Variants in DLGAP1 observed in about 807,000 individuals in gnomAD.
DLGAP1 encodes disks large-associated protein 1.
DLGAP1 carries 11 observed loss-of-function variants against 90.8 expected under a neutral mutation model. The ratio of observed to expected loss-of-function variants is 0.12; its 90% CI spans 0.08 to 0.20. The LOEUF (loss-of-function observed/expected upper bound fraction) is 0.20, where lower values mean the gene tolerates loss of function less well. Among genes scored for constraint, DLGAP1 ranks in the 10% least tolerant of loss-of-function variants. The probability of loss-of-function intolerance (pLI) is 1.00; values close to 1 mark genes in which losing one functional copy is unlikely to be tolerated. For missense variants in DLGAP1, 1,050 were observed against 1,333.8 expected (o/e 0.79, Z 3.31); for synonymous variants, 558 against 540.7 (o/e 1.03, Z -0.44).
intron 9 of DLGAP1, among the ~76,000 whole-genome samples, chr18:3,561,709 G>A (rs766877803): frequency 2.7e-5 from 4 of 150,840 alleles, no homozygotes; most frequent in Non-Finnish European, 5.9e-5. Flanking sequence ...TGGTTTCCGA[G>A]AAGTTGGATA....
chr18:4,095,514 C>G (rs1196193333), intron 2 of DLGAP1, among the ~76,000 whole-genome samples: 2 of 152,058 alleles, frequency 1.3e-5, no homozygotes, highest in African/African-American at 4.8e-5. Flanking sequence ...TCTTTTCTTG[C>G]TAACAGGTTA....
chr18:4,163,534 G>C (rs1213424554), intron 1 of DLGAP1, among the ~76,000 whole-genome samples: 2 of 152,176 alleles, frequency 1.3e-5, no homozygotes, highest in Non-Finnish European at 2.9e-5. Flanking sequence ...TTCCCACATG[G>C]TTCACAATGG....
chr18:4,231,896 A>T (rs73376909), intron 1 of DLGAP1, among the ~76,000 whole-genome samples: 10,366 of 152,216 alleles, frequency 0.068, 513 homozygotes, highest in African/African-American at 0.13. Context: ...ATTGACACTA[A>T]GAATGAAATT....
At chr18:3,583,179 TAC>T (rs2055652204) in intron 7 of DLGAP1, among the ~76,000 whole-genome samples, 8 of 143,330 alleles carry the variant, frequency 5.6e-5, no homozygotes, top group East Asian at 2.2e-4. Context: ...CCTACCTACC[TAC>T]CTACCTTCCT....
At chr18:3,717,191 T>C (rs1406086557) in intron 7 of DLGAP1, among the ~76,000 whole-genome samples, 1 of 152,046 alleles carries the variant, frequency 6.6e-6, no homozygotes, top group East Asian at 1.9e-4. Flanking sequence ...TTGATGCAAA[T>C]CCTCTATAGA....
chr18:4,406,179 C>T (rs764372862), intron 1 of DLGAP1, among the ~76,000 whole-genome samples: 4 of 152,176 alleles, frequency 2.6e-5, no homozygotes, highest in Non-Finnish European at 4.4e-5. Context: ...AGTTATTGCC[C>T]TATGCAGATG....
At chr18:3,751,513 G>A (rs568662753) in intron 5 of DLGAP1, among the ~76,000 whole-genome samples, 12 of 150,796 alleles carry the variant, frequency 8.0e-5, no homozygotes, top group Admixed American at 4.6e-4. Flanking sequence ...GCCCTGGCTG[G>A]TCTTGAACTC....
chr18:3,666,487 A>T (rs938596306), intron 7 of DLGAP1, among the ~76,000 whole-genome samples: 1 of 152,184 alleles, frequency 6.6e-6, no homozygotes, highest in Non-Finnish European at 1.5e-5. Context: ...TACGCCGCAC[A>T]GATAAAGCCC....
chr18:3,836,668 C>T (rs115869257), intron 4 of DLGAP1, among the ~76,000 whole-genome samples: 94 of 152,274 alleles, frequency 6.2e-4, no homozygotes, highest in African/African-American at 2.0e-3. Context: ...CTAAAGGCAT[C>T]GCAAGGGTGG....
chr18:4,065,265 G>T (rs1370386500), intron 2 of DLGAP1, among the ~76,000 whole-genome samples: 1 of 151,988 alleles, frequency 6.6e-6, no homozygotes, highest in African/African-American at 2.4e-5. Flanking sequence ...TTGAAAACCG[G>T]CACAAGACAA....
At chr18:3,976,211 A>G (rs80034794) in intron 3 of DLGAP1, among the ~76,000 whole-genome samples, 54,223 of 148,818 alleles carry the variant, frequency 0.36, 10,179 homozygotes, top group Non-Finnish European at 0.39. Context: ...AATAATAATA[A>G]TAATAATAAC....
intron 7 of DLGAP1, among the ~76,000 whole-genome samples, chr18:3,588,454 C>T (rs953222686): frequency 1.5e-4 from 21 of 140,872 alleles, no homozygotes; most frequent in Admixed American, 1.0e-3. Context: ...AATGAAACTC[C>T]GTCTCAAAAA....
intron 3 of DLGAP1, among the ~76,000 whole-genome samples, chr18:3,985,095 GA>G (rs1184516594): frequency 6.6e-6 from 1 of 152,020 alleles, no homozygotes; most frequent in Non-Finnish European, 1.5e-5. Flanking sequence ...ATGACTGTGT[GA>G]ACCCTTATTC....
At chr18:3,757,281 G>T (rs977286082) in intron 5 of DLGAP1, among the ~76,000 whole-genome samples, 1 of 152,134 alleles carries the variant, frequency 6.6e-6, no homozygotes, top group African/African-American at 2.4e-5. Flanking sequence ...GGTGGCATGC[G>T]CCTGTAGTCC....
At chr18:4,360,824 C>T (rs976355308) in intron 1 of DLGAP1, among the ~76,000 whole-genome samples, 2 of 152,002 alleles carry the variant, frequency 1.3e-5, no homozygotes, top group African/African-American at 4.8e-5. Context: ...ACTAAAAACA[C>T]AAAAAATTAG....
chr18:4,016,347 T>C (rs540889447), intron 2 of DLGAP1, among the ~76,000 whole-genome samples: 57 of 152,228 alleles, frequency 3.7e-4, no homozygotes, highest in Non-Finnish European at 7.3e-4. Flanking sequence ...CCTGTTATCA[T>C]CAGTCTTTTC....
intron 1 of DLGAP1, among the ~76,000 whole-genome samples, chr18:4,241,804 A>G (rs2078539959): frequency 6.6e-6 from 1 of 152,178 alleles, no homozygotes; most frequent in Admixed American, 6.5e-5. Flanking sequence ...CTTAGGCAAT[A>G]CTTCCATTGA....
intron 1 of DLGAP1, among the ~76,000 whole-genome samples, chr18:4,262,817 C>T (rs1436303225): frequency 6.6e-6 from 1 of 152,164 alleles, no homozygotes; most frequent in Non-Finnish European, 1.5e-5. Context: ...TGTAATATTA[C>T]TTATGTCATA....
chr18:3,709,384 G>C (rs886225950), intron 7 of DLGAP1, among the ~76,000 whole-genome samples: 2 of 152,216 alleles, frequency 1.3e-5, no homozygotes, highest in Non-Finnish European at 2.9e-5. Flanking sequence ...CCACAGAGCA[G>C]TATTGTGCCA....
Sources: allele counts gnomAD v4.1 joint callset (sites outside exome capture counted in the v4.1 genomes callset), GRCh38; gene constraint gnomAD v4.1.1; transcripts MANE v1.5; gene names NCBI Gene and HGNC (gene_info 2026-07-23, HGNC 2026-07-21).